Variants in CMPK1 observed in about 807,000 individuals in gnomAD.
CMPK1 encodes UMP-CMP kinase.
A neutral mutation model predicts 25.7 loss-of-function variants in CMPK1; 10 were observed. The ratio of observed to expected loss-of-function variants is 0.39; its 90% CI spans 0.24 to 0.66. The LOEUF (loss-of-function observed/expected upper bound fraction) is 0.66, where lower values mean the gene tolerates loss of function less well. CMPK1 is among the 30% of genes least tolerant of loss of function. The pLI, the probability that CMPK1 is intolerant of heterozygous loss-of-function variation, is 0.48. For missense variants in CMPK1, 199 were observed against 280.5 expected (o/e 0.71, Z 2.08); for synonymous variants, 106 against 101.5 (o/e 1.04, Z -0.27).
At chr1:47,352,534 G>GC (rs11444039) in intron 1 of CMPK1, among the ~76,000 whole-genome samples, 1 of 151,336 alleles carries the variant, frequency 6.6e-6, no homozygotes, top group Non-Finnish European at 1.5e-5. Context: ...GGGATAGGGG[G>GC]TCACAGATTC....
chr1:47,356,058 T>C (rs1646558906), intron 1 of CMPK1, among the ~76,000 whole-genome samples: 1 of 152,234 alleles, frequency 6.6e-6, no homozygotes, highest in South Asian at 2.1e-4. Flanking sequence ...AAATCCTAGC[T>C]GTTTTGGTTC....
intron 1 of CMPK1, among the ~76,000 whole-genome samples, chr1:47,344,494 T>C (rs1646468322): frequency 6.6e-6 from 1 of 152,054 alleles, no homozygotes; most frequent in African/African-American, 2.4e-5. Context: ...TAAATTATTA[T>C]TATTTTTTCT....
intron 1 of CMPK1, among the ~76,000 whole-genome samples, chr1:47,340,693 A>G (rs1339781082): frequency 6.6e-6 from 1 of 152,034 alleles, no homozygotes; most frequent in East Asian, 1.9e-4. Flanking sequence ...GCTAGAGTGC[A>G]GTGGCACGAT....
At chr1:47,351,463 G>A (rs968486831) in intron 1 of CMPK1, among the ~76,000 whole-genome samples, 1 of 152,140 alleles carries the variant, frequency 6.6e-6, no homozygotes, top group Non-Finnish European at 1.5e-5. Flanking sequence ...TATGTATGCA[G>A]CACATTGTGC....
chr1:47,351,931 T>C (rs1646525256), intron 1 of CMPK1, among the ~76,000 whole-genome samples: 1 of 151,628 alleles, frequency 6.6e-6, no homozygotes, highest in Non-Finnish European at 1.5e-5. Flanking sequence ...AGGTCAGGAG[T>C]TGATGACCAG....
intron 1 of CMPK1, among the ~76,000 whole-genome samples, chr1:47,367,551 T>C (rs1646648014): frequency 6.6e-6 from 1 of 152,228 alleles, no homozygotes; most frequent in South Asian, 2.1e-4. Context: ...ACATTTAATT[T>C]ATCACATATT....
chr1:47,337,238 A>C (rs1282240529), intron 1 of CMPK1, among the ~76,000 whole-genome samples: 1 of 152,188 alleles, frequency 6.6e-6, no homozygotes, highest in African/African-American at 2.4e-5. Flanking sequence ...AGCCAAGATC[A>C]CGCCACTGCA....
At chr1:47,347,207 C>A (rs1243389270) in intron 1 of CMPK1, among the ~76,000 whole-genome samples, 1 of 136,146 alleles carries the variant, frequency 7.3e-6, no homozygotes, top group Non-Finnish European at 1.6e-5. Context: ...TTCCTTTTTT[C>A]CTTCCTTCTA....
At chr1:47,354,700 A>G (rs79327032) in intron 1 of CMPK1, among the ~76,000 whole-genome samples, 2,443 of 141,268 alleles carry the variant, frequency 0.017, 75 homozygotes, top group African/African-American at 0.061. Flanking sequence ...TAGTTTACTT[A>G]GCCATTCCTA....
chr1:47,377,881 G>A lies in CMPK1; in HGVS notation c.*1136G>A, dbSNP rs1326171802. On this transcript the variant is annotated 3_prime_UTR_variant, in exon 6 of 6. Transcript: ENST00000371873. ...TTTTAAAAGGCTATAGAGTCCAAAG[G>A]AATATTCTTTTACACCAATTCTTCC... 1 of 152,526 alleles carries A rather than the reference G, an allele frequency of 6.6e-6. No individual in the cohort carries two copies. Among genetic ancestry groups the A allele is most frequent in the East Asian group, 1.9e-4 (1 of 5,200 alleles). The allele number at this position is 152,526 out of a possible 1,614,324, so 9.4% of individuals were successfully genotyped here. A position where few individuals can be genotyped will look rare whatever the true frequency, so the allele number is the denominator to read the frequency against.
In CMPK1 at chr1:47,378,164, G is replaced by T. The variant is rs1646719693; in HGVS notation, c.*1419G>T. 1 of 152,100 alleles carries T rather than the reference G, an allele frequency of 6.6e-6. No homozygotes were observed. Among genetic ancestry groups the T allele is most frequent in the Non-Finnish European group, 1.5e-5 (1 of 68,014 alleles). The allele number at this position is 152,100 out of a possible 1,614,324, so 9.4% of individuals were successfully genotyped here. A position where few individuals can be genotyped will look rare whatever the true frequency, so the allele number is the denominator to read the frequency against. ...TTTTAATAGAATCATTTATTTCTAT[G>T]TGTTATGAAATTCACTTAATGATAA... On this transcript the variant is annotated 3_prime_UTR_variant, in exon 6 of 6. Transcript: ENST00000371873.
At chr1:47,365,412 T>C (rs1271547241) in intron 1 of CMPK1, among the ~76,000 whole-genome samples, 2 of 151,896 alleles carry the variant, frequency 1.3e-5, no homozygotes, top group African/African-American at 4.8e-5. Context: ...GGCAGGTGGA[T>C]TGCTTGAGCC....
intron 1 of CMPK1, among the ~76,000 whole-genome samples, chr1:47,338,244 C>T (rs1046305064): frequency 2.0e-5 from 3 of 152,112 alleles, no homozygotes; most frequent in African/African-American, 4.8e-5. Context: ...AAACCAAAAA[C>T]CCTTAGGGAT....
Position 47,334,010 on chromosome 1 carries a change from G to A in CMPK1, c.65G>A (p.Arg22His), listed in dbSNP as rs868710679. Residue 22 changes from arginine (R) to histidine (H), a missense_variant, in exon 1 of 6, where the codon CGC becomes CAC. Physicochemically the swap from Arg to His is conservative, Grantham distance 29. Transcript: ENST00000371873. ...VLGLSFLLQT[R>H]RPILLCSPRL... ...GGCCTTAGCTTCCTGCTGCAGACCCGCCGGCCGATTCTCCTCTGCTCTCCA... is the reference window on the plus strand; with the variant it reads ...GGCCTTAGCTTCCTGCTGCAGACCCACCGGCCGATTCTCCTCTGCTCTCCA... 2.6e-6 allele frequency: 4 copies of A among 1,545,968 alleles called. No individual in the cohort carries two copies. The highest frequency in any genetic ancestry group is 3.5e-6 in the Non-Finnish European group (4 of 1,145,890).
chr1:47,334,929 C>CT (rs906187809), intron 1 of CMPK1, among the ~76,000 whole-genome samples: 37 of 152,092 alleles, frequency 2.4e-4, no homozygotes, highest in Non-Finnish European at 5.0e-4. Flanking sequence ...AATGCTGTTA[C>CT]TTTTTTTTCT....
At chr1:47,371,199 T>G (rs575275909) in intron 2 of CMPK1, among the ~76,000 whole-genome samples, 48 of 152,274 alleles carry the variant, frequency 3.2e-4, no homozygotes, top group African/African-American at 1.1e-3. Context: ...GAAAAGTGGC[T>G]TGTACACACA....
chr1:47,373,790 T>C (rs1302196563), intron 3 of CMPK1, among the ~76,000 whole-genome samples: 1 of 149,700 alleles, frequency 6.7e-6, no homozygotes, highest in East Asian at 2.0e-4. Context: ...AGCAAGACTG[T>C]CTCAAAAAAA....
intron 1 of CMPK1, among the ~76,000 whole-genome samples, chr1:47,357,058 G>T (rs1165192780): frequency 3.3e-5 from 5 of 151,462 alleles, no homozygotes; most frequent in Non-Finnish European, 5.9e-5. Flanking sequence ...CCGCCTCCTG[G>T]GTTCACGCCA....
intron 2 of CMPK1, among the ~76,000 whole-genome samples, chr1:47,371,634 T>C (rs1034165101): frequency 1.3e-5 from 2 of 152,220 alleles, no homozygotes; most frequent in Non-Finnish European, 2.9e-5. Context: ...TCCAAAACCA[T>C]GATGCTTCTC....
Sources: allele counts gnomAD v4.1 joint callset (sites outside exome capture counted in the v4.1 genomes callset), GRCh38; gene constraint gnomAD v4.1.1; transcripts MANE v1.5; gene names NCBI Gene and HGNC (gene_info 2026-07-23, HGNC 2026-07-21).